Variants in HSD17B12 observed in about 807,000 individuals in gnomAD.
The protein encoded by HSD17B12 is hydroxysteroid 17-beta dehydrogenase 12, also known as very-long-chain 3-oxoacyl-CoA reductase.
HSD17B12 carries 32 observed loss-of-function variants against 39.3 expected under a neutral mutation model. The ratio of observed to expected loss-of-function variants is 0.81; its 90% confidence interval spans 0.61 to 1.09. HSD17B12 has a LOEUF of 1.09. Ranked by LOEUF, HSD17B12 falls within the 50% of genes least tolerant of loss-of-function variation. The pLI, the probability that HSD17B12 is intolerant of heterozygous loss-of-function variation, is 0.00. For missense variants in HSD17B12, 342 were observed against 382.9 expected, an observed-to-expected ratio of 0.89 and a Z score of 0.89; for synonymous variants, 150 against 146.7, an observed-to-expected ratio of 1.02 and a Z score of -0.16.
At chr11:43,829,969 T>C (rs2135109213) in intron 6 of HSD17B12, 1 of 152,324 alleles carries the variant, frequency 6.6e-6, no homozygotes, top group East Asian at 1.9e-4. Flanking sequence ...ACATCTGTAC[T>C]ACCATACAAA....
the HSD17B12 span, among the ~76,000 whole-genome samples, chr11:43,558,168 A>G: frequency 1.3e-5 from 2 of 152,026 alleles, no homozygotes; most frequent in Admixed American, 6.6e-5. Flanking sequence ...TGTAGCAAAG[A>G]GAGTCATTCT....
At chr11:43,616,533 G>T in the HSD17B12 span, among the ~76,000 whole-genome samples, 1 of 151,426 alleles carries the variant, frequency 6.6e-6, no homozygotes, top group African/African-American at 2.4e-5. Context: ...CATATGCCAG[G>T]CATTGTTCTA....
At chr11:43,692,880 T>A (rs1949875536) in intron 1 of HSD17B12, among the ~76,000 whole-genome samples, 1 of 152,216 alleles carries the variant, frequency 6.6e-6, no homozygotes, top group South Asian at 2.1e-4. Context: ...GCTATAAAGT[T>A]AACCATAGAG....
At chr11:43,824,768 G>T (rs1393170394) in intron 6 of HSD17B12, among the ~76,000 whole-genome samples, 1 of 152,184 alleles carries the variant, frequency 6.6e-6, no homozygotes, top group Non-Finnish European at 1.5e-5. Context: ...GGCTGAGATG[G>T]GTGGATCACT....
intron 3 of HSD17B12, among the ~76,000 whole-genome samples, chr11:43,787,520 T>C (rs1477349105): frequency 6.6e-6 from 1 of 151,890 alleles, no homozygotes; most frequent in Non-Finnish European, 1.5e-5. Context: ...GTAGATCACC[T>C]GAGGTCAGGA....
At chr11:43,840,464 C>A (rs544329336) in intron 9 of HSD17B12, among the ~76,000 whole-genome samples, 1 of 152,096 alleles carries the variant, frequency 6.6e-6, no homozygotes, top group South Asian at 2.1e-4. Context: ...ATCGTGCAAC[C>A]ATTGTCACCG....
chr11:43,578,354 G>C, the HSD17B12 span, among the ~76,000 whole-genome samples: 1 of 152,184 alleles, frequency 6.6e-6, no homozygotes, highest in Non-Finnish European at 1.5e-5. Context: ...CAGGGTAACA[G>C]GGGTGCAGCC....
chr11:43,566,185 T>C, the HSD17B12 span, among the ~76,000 whole-genome samples: 20 of 151,914 alleles, frequency 1.3e-4, no homozygotes, highest in Middle Eastern at 3.4e-3. Context: ...AGTGGGATGA[T>C]GTATACATAC....
At chr11:43,742,573 C>A (rs1183610460) in intron 1 of HSD17B12, among the ~76,000 whole-genome samples, 3 of 152,078 alleles carry the variant, frequency 2.0e-5, no homozygotes, top group Non-Finnish European at 4.4e-5. Flanking sequence ...TATGTTATTG[C>A]AAATATAATA....
At chr11:43,684,727 G>A (rs185219290) in intron 1 of HSD17B12, among the ~76,000 whole-genome samples, 37 of 152,208 alleles carry the variant, frequency 2.4e-4, no homozygotes, top group Middle Eastern at 6.8e-3. Flanking sequence ...CATACAATTT[G>A]CCCATTTAAA....
intron 4 of HSD17B12, among the ~76,000 whole-genome samples, chr11:43,812,343 G>A (rs1951081000): frequency 6.6e-6 from 1 of 152,164 alleles, no homozygotes; most frequent in South Asian, 2.1e-4. Context: ...ACCAACAGTG[G>A]ATAAGAATTC....
intron 1 of HSD17B12, among the ~76,000 whole-genome samples, chr11:43,735,629 A>G (rs1038524135): frequency 4.6e-5 from 7 of 152,284 alleles, no homozygotes; most frequent in East Asian, 1.9e-4. Flanking sequence ...AATTCTTTAT[A>G]TATTCTAGAT....
chr11:43,669,110 TAAA>T, the HSD17B12 span, among the ~76,000 whole-genome samples: 1 of 150,304 alleles, frequency 6.7e-6, no homozygotes, highest in African/African-American at 2.5e-5. Flanking sequence ...GATGCTGAGT[TAAA>T]AAAAAAAAAA....
chr11:43,809,694 C>G (rs1951052196), intron 4 of HSD17B12, among the ~76,000 whole-genome samples: 1 of 152,112 alleles, frequency 6.6e-6, no homozygotes, highest in Admixed American at 6.5e-5. Flanking sequence ...GTGGCGCATG[C>G]CTGTAATCCC....
intron 4 of HSD17B12, among the ~76,000 whole-genome samples, chr11:43,813,610 A>C (rs910222361): frequency 6.6e-6 from 1 of 152,170 alleles, no homozygotes; most frequent in Non-Finnish European, 1.5e-5. Flanking sequence ...TAAATTATTC[A>C]TCCTTTGTAA....
At chr11:43,700,843 A>G (rs1201091219) in intron 1 of HSD17B12, among the ~76,000 whole-genome samples, 1 of 152,222 alleles carries the variant, frequency 6.6e-6, no homozygotes, top group Non-Finnish European at 1.5e-5. Flanking sequence ...TATTTTGAGT[A>G]TATACCCAGC....
At chr11:43,794,925 A>G (rs1395905979) in intron 3 of HSD17B12, among the ~76,000 whole-genome samples, 2 of 152,208 alleles carry the variant, frequency 1.3e-5, no homozygotes, top group Admixed American at 1.3e-4. Context: ...TGAGGCAAGG[A>G]TCAGAGTCCC....
At chr11:43,621,279 A>T in the HSD17B12 span, among the ~76,000 whole-genome samples, 1 of 152,168 alleles carries the variant, frequency 6.6e-6, no homozygotes, top group Non-Finnish European at 1.5e-5. Flanking sequence ...TATAAATAAG[A>T]GGTAGATCAA....
chr11:43,782,084 T>C (rs1488149065), intron 3 of HSD17B12, among the ~76,000 whole-genome samples: 1 of 152,232 alleles, frequency 6.6e-6, no homozygotes, highest in Non-Finnish European at 1.5e-5. Flanking sequence ...GTGGAGTTGC[T>C]TATATATCAT....
Sources: allele counts gnomAD v4.1 joint callset (sites outside exome capture counted in the v4.1 genomes callset), GRCh38; gene constraint gnomAD v4.1.1; transcripts MANE v1.5; gene names NCBI Gene and HGNC (gene_info 2026-07-23, HGNC 2026-07-21).